Variants in PUDP observed in about 807,000 individuals in gnomAD.
PUDP encodes the protein pseudouridine-5'-phosphatase.
In PUDP, 8 loss-of-function variants were observed where a neutral mutation model predicts 9.4. The observed-to-expected ratio is 0.85, with a 90% CI of 0.50 to 1.53. The LOEUF (loss-of-function observed/expected upper bound fraction) is 1.53. PUDP is among the 40% of genes most tolerant of loss of function. The pLI is 0.00. For missense variants in PUDP, 188 were observed against 189.7 expected (o/e 0.99, Z 0.05); for synonymous variants, 99 against 80.7 (o/e 1.23, Z -1.22).
At chrX:7,046,208 C>T (rs371449871), downstream of PUDP, among the ~76,000 whole-genome samples, 1 of 112,068 alleles carries the variant, frequency 8.9e-6, no homozygotes, top group Non-Finnish European at 1.9e-5. Flanking sequence ...GGAGCTAGGA[C>T]CTGTAAGGAG....
At chrX:6,920,299 T>C (rs1405083952) in intron 3 of PUDP, among the ~76,000 whole-genome samples, 1 of 111,388 alleles carries the variant, frequency 9.0e-6, no homozygotes, top group Non-Finnish European at 1.9e-5. Flanking sequence ...ACCTAGGTTC[T>C]AGTCCCATTG....
At chrX:7,099,848 C>A (rs1931676357) in intron 2 of PUDP, among the ~76,000 whole-genome samples, 1 of 112,252 alleles carries the variant, frequency 8.9e-6, no homozygotes, top group Non-Finnish European at 1.9e-5. Flanking sequence ...GGCAGACATG[C>A]CCCCACATCA....
intron 3 of PUDP, among the ~76,000 whole-genome samples, chrX:6,889,556 G>A (rs1344777055): frequency 5.4e-5 from 6 of 111,791 alleles, no homozygotes; most frequent in Non-Finnish European, 1.1e-4. Flanking sequence ...CGACATTTTG[G>A]TTTCATAGAC....
intron 3 of PUDP, among the ~76,000 whole-genome samples, chrX:6,731,123 G>A (rs1433111035): frequency 1.8e-5 from 2 of 111,837 alleles, no homozygotes; most frequent in Non-Finnish European, 3.8e-5. Context: ...AGGCCAGAGT[G>A]CAGTGGTGCT....
chrX:7,008,104 C>T (rs1354983219), intron 1 of PUDP, among the ~76,000 whole-genome samples: 2 of 109,824 alleles, frequency 1.8e-5, no homozygotes, highest in Non-Finnish European at 3.8e-5. Context: ...GCTGGGACTA[C>T]AGGCACCCAC....
At chrX:6,979,305 C>A (rs1928999916) in intron 1 of PUDP, among the ~76,000 whole-genome samples, 1 of 110,546 alleles carries the variant, frequency 9.0e-6, no homozygotes, top group African/African-American at 3.3e-5. Context: ...CACTCTCTGT[C>A]CCCCACCACC....
At chrX:6,926,364 A>T (rs1334439641) in intron 3 of PUDP, among the ~76,000 whole-genome samples, 1 of 112,281 alleles carries the variant, frequency 8.9e-6, no homozygotes, top group Admixed American at 9.4e-5. Flanking sequence ...CTAAAAATAC[A>T]GCTGAATAAA....
At chrX:7,133,554 C>T (rs898173436) in intron 1 of PUDP, among the ~76,000 whole-genome samples, 1 of 112,102 alleles carries the variant, frequency 8.9e-6, no homozygotes, top group African/African-American at 3.2e-5. Context: ...ATCACTGCTA[C>T]CTCTGTCAGA....
intron 3 of PUDP, among the ~76,000 whole-genome samples, chrX:6,817,145 T>C (rs1464285167): frequency 1.8e-5 from 2 of 108,458 alleles, no homozygotes; most frequent in South Asian, 3.9e-4. Flanking sequence ...GTTGTGATCA[T>C]AGCTCACTGC....
chrX:6,916,680 T>G (rs768876967), intron 3 of PUDP, among the ~76,000 whole-genome samples: 2 of 111,412 alleles, frequency 1.8e-5, no homozygotes, highest in East Asian at 5.7e-4. Context: ...GAAGATAAGG[T>G]GAAGCTTGTG....
chrX:7,105,903 C>A, intron 1 of PUDP, 65 bp from the exon 2 acceptor site: 2 of 762,502 alleles, frequency 2.6e-6, no homozygotes, highest in Non-Finnish European at 3.8e-6. Flanking sequence ...TGTATCAGGT[C>A]CGCATAAACA....
intron 3 of PUDP, among the ~76,000 whole-genome samples, chrX:6,858,556 C>T (rs1020102268): frequency 3.6e-5 from 4 of 110,946 alleles, no homozygotes; most frequent in African/African-American, 1.3e-4. Flanking sequence ...GTCTCAAACT[C>T]CTGGCCTCTC....
At chrX:6,724,817 G>A (rs773643800), upstream of PUDP, among the ~76,000 whole-genome samples, 2 of 111,457 alleles carry the variant, frequency 1.8e-5, no homozygotes, top group East Asian at 2.8e-4. Context: ...CATGAGCTGC[G>A]GAGAAACTGC....
chrX:6,808,811 G>T (rs1336640710), intron 3 of PUDP, among the ~76,000 whole-genome samples: 3 of 112,330 alleles, frequency 2.7e-5, no homozygotes, highest in Non-Finnish European at 5.6e-5. Flanking sequence ...CATGTTTGAA[G>T]TGCCTTGTAT....
chrX:7,061,851 C>T (rs758346969), intron 3 of PUDP, among the ~76,000 whole-genome samples: 18 of 111,416 alleles, frequency 1.6e-4, no homozygotes, highest in Non-Finnish European at 1.9e-5. Flanking sequence ...GGACATGCTC[C>T]GTCGCTATCA....
At chrX:6,794,317 G>A (rs1208576173) in intron 3 of PUDP, among the ~76,000 whole-genome samples, 1 of 111,889 alleles carries the variant, frequency 8.9e-6, no homozygotes, top group Non-Finnish European at 1.9e-5. Flanking sequence ...TAACACAATA[G>A]TATTTATGTA....
intron 1 of PUDP, among the ~76,000 whole-genome samples, chrX:6,987,098 C>T (rs1035168489): frequency 4.5e-5 from 5 of 111,876 alleles, no homozygotes; most frequent in Non-Finnish European, 9.4e-5. Flanking sequence ...TGGAAATCAC[C>T]AGCCAAGAAG....
At chrX:6,816,402 T>G (rs1034619718) in intron 3 of PUDP, among the ~76,000 whole-genome samples, 12 of 103,976 alleles carry the variant, frequency 1.2e-4, no homozygotes, top group African/African-American at 4.1e-4. Context: ...GTATAGTATA[T>G]GTACTATACT....
At chrX:7,127,437 C>T (rs1932512916) in intron 1 of PUDP, among the ~76,000 whole-genome samples, 1 of 112,470 alleles carries the variant, frequency 8.9e-6, no homozygotes, top group African/African-American at 3.2e-5. Context: ...GTACCTACGA[C>T]TTGTACTGAC....
Sources: gnomAD v4.1 joint callset for allele counts (sites outside exome capture counted in the v4.1 genomes callset) on GRCh38, gnomAD v4.1.1 for gene constraint, MANE v1.5 for transcripts, NCBI Gene and HGNC (gene_info 2026-07-23, HGNC 2026-07-21) for gene names.